Variants in SLC39A14 observed in about 807,000 individuals in gnomAD.
SLC39A14 encodes the protein solute carrier family 39 member 14, also known as metal cation symporter ZIP14.
SLC39A14 carries 19 observed loss-of-function variants against 45.5 expected under a neutral mutation model. That is an observed-to-expected ratio of 0.42 (90% CI 0.29 to 0.61). The LOEUF is 0.61. Ranked by LOEUF, SLC39A14 falls within the 20% of genes least tolerant of loss-of-function variation. The pLI is 0.22. For synonymous variants in SLC39A14, 264 were observed against 251.3 expected (o/e 1.05, Z -0.48); for missense variants, 447 against 616.5 (o/e 0.73, Z 2.91).
chr8:22,402,460 C>T (rs561124687), intron 1 of SLC39A14, among the ~76,000 whole-genome samples: 1 of 152,214 alleles, frequency 6.6e-6, no homozygotes, highest in East Asian at 1.9e-4. Context: ...GCCTCACTAA[C>T]ATGAAATGTT....
intron 1 of SLC39A14, among the ~76,000 whole-genome samples, chr8:22,403,134 A>G (rs1375371982): frequency 6.6e-6 from 1 of 151,564 alleles, no homozygotes; most frequent in African/African-American, 2.4e-5. Flanking sequence ...CCGCCACCAC[A>G]CCCGGCTAAT....
At position 22,404,807 on chromosome 8, in the gene SLC39A14, CT is replaced by C; in HGVS notation, c.98del (p.Leu33ArgfsTer15). 1 of 1,613,542 alleles carries C rather than the reference CT, an allele frequency of 6.2e-7. No homozygotes were observed. Among genetic ancestry groups the C allele is most frequent in the Non-Finnish European group, 8.5e-7 (1 of 1,179,512 alleles). On this transcript the variant is annotated frameshift_variant, in exon 2 of 9. Coordinates refer to ENST00000381237, the MANE Select transcript of SLC39A14 (RefSeq NM_001128431.4). LOFTEE classifies it high-confidence loss of function. Reference protein sequence around the residue: ...RTTPEAHASSLGAPAISAASF... With the variant: ...RTTPEAHASSXGAPAISAASF... ...CACCCCTGAGGCTCACGCTTCATCCCTGGGTGCACCAGCTATCAGCGCTGCC... is the reference window on the plus strand; with the variant it reads ...CACCCCTGAGGCTCACGCTTCATCCCGGGTGCACCAGCTATCAGCGCTGCC...
At chr8:22,425,843 C>T (rs1407496701), downstream of SLC39A14, among the ~76,000 whole-genome samples, 1 of 149,866 alleles carries the variant, frequency 6.7e-6, no homozygotes, top group Non-Finnish European at 1.5e-5. Context: ...CTGACCCTGG[C>T]AATCATAAGC....
chr8:22,384,072 C>T (rs901585619), intron 1 of SLC39A14, among the ~76,000 whole-genome samples: 2 of 152,172 alleles, frequency 1.3e-5, no homozygotes, highest in African/African-American at 4.8e-5. Flanking sequence ...GTGCCTCCCA[C>T]GGCAGAAGCC....
intron 1 of SLC39A14, among the ~76,000 whole-genome samples, chr8:22,393,599 G>C (rs544792943): frequency 6.6e-6 from 1 of 152,350 alleles, no homozygotes; most frequent in African/African-American, 2.4e-5. Context: ...AATATCCAGA[G>C]TGTATTAATC....
intron 1 of SLC39A14, chr8:22,390,727 C>G (rs1028598638): frequency 6.6e-6 from 1 of 150,766 alleles, no homozygotes; most frequent in African/African-American, 2.4e-5. Flanking sequence ...TTTTTTTTAA[C>G]AGGGTCTCGC....
rs556094584 is a variant in SLC39A14 at position 22,371,528 on chromosome 8, G to C, written c.-16+4120G>C. Among the ~76,000 whole-genome samples, 3 of 148,124 alleles carry C rather than the reference G, an allele frequency of 2.0e-5. No individual in the cohort carries two copies. The East Asian group carries it at 5.9e-4, about 29-fold the overall frequency. Reference sequence around the variant, plus strand: ...GGCTCACTGCAACCTCTGCCTCCTGGGTTCAAGCAATTCTCTGCCCCAGCC... The same window carrying C: ...GGCTCACTGCAACCTCTGCCTCCTGCGTTCAAGCAATTCTCTGCCCCAGCC... On this transcript the variant is annotated intron_variant, in intron 1 of 8. Transcript: ENST00000381237.
chr8:22,405,402 A>G (rs1373401283), intron 2 of SLC39A14, among the ~76,000 whole-genome samples: 3 of 152,222 alleles, frequency 2.0e-5, no homozygotes, highest in Non-Finnish European at 4.4e-5. Flanking sequence ...GATCCCAGCC[A>G]CTTGGGAGGC....
chr8:22,407,112 G>A (rs1467902706), intron 2 of SLC39A14, among the ~76,000 whole-genome samples: 1 of 152,210 alleles, frequency 6.6e-6, no homozygotes, highest in Non-Finnish European at 1.5e-5. Context: ...TGAATCTTCA[G>A]GTTTTCCTCC....
intron 1 of SLC39A14, among the ~76,000 whole-genome samples, chr8:22,372,321 C>T (rs1242919705): frequency 6.6e-6 from 1 of 152,088 alleles, no homozygotes; most frequent in East Asian, 1.9e-4. Context: ...ATAAATGCTC[C>T]AAGGTAGCAT....
At chr8:22,397,772 A>T (rs1189972668) in intron 1 of SLC39A14, among the ~76,000 whole-genome samples, 1 of 152,166 alleles carries the variant, frequency 6.6e-6, no homozygotes, top group Non-Finnish European at 1.5e-5. Flanking sequence ...CTAGCTGGAG[A>T]TACATTTCTA....
At chr8:22,423,052 G>GA (rs1277943712), downstream of SLC39A14, among the ~76,000 whole-genome samples, 2 of 152,092 alleles carry the variant, frequency 1.3e-5, no homozygotes, top group Non-Finnish European at 2.9e-5. Context: ...TCGAACTCCT[G>GA]ACCTCAGGTG....
intron 1 of SLC39A14, among the ~76,000 whole-genome samples, chr8:22,379,927 C>CAAAAAAAAAAA (rs35093772): frequency 5.7e-5 from 5 of 87,928 alleles, no homozygotes; most frequent in East Asian, 2.9e-4. Flanking sequence ...GACTCCATCT[C>CAAAAAAAAAAA]AAAAAAAAAA....
At chr8:22,378,256 T>A (rs1279794182) in intron 1 of SLC39A14, among the ~76,000 whole-genome samples, 1 of 152,168 alleles carries the variant, frequency 6.6e-6, no homozygotes, top group African/African-American at 2.4e-5. Context: ...CAGGCAAGTG[T>A]GTTAGTATGA....
At chr8:22,386,246 A>G (rs1023957260) in intron 1 of SLC39A14, among the ~76,000 whole-genome samples, 1 of 150,412 alleles carries the variant, frequency 6.6e-6, no homozygotes, top group Non-Finnish European at 1.5e-5. Context: ...CGCCTGACGA[A>G]TATGTACTTT....
chr8:22,375,919 A>T (rs1018159221), intron 1 of SLC39A14, among the ~76,000 whole-genome samples: 5 of 152,242 alleles, frequency 3.3e-5, no homozygotes, highest in African/African-American at 1.2e-4. Flanking sequence ...GAGTATAATT[A>T]TATAATCAGG....
intron 1 of SLC39A14, among the ~76,000 whole-genome samples, chr8:22,368,758 G>C (rs563615893): frequency 3.9e-5 from 6 of 151,968 alleles, no homozygotes; most frequent in African/African-American, 1.2e-4. Context: ...GGATGGTCTC[G>C]ATCTCCTGAC....
At position 22,412,112 on chromosome 8, in the gene SLC39A14, TGAA is replaced by T; in HGVS notation, c.539_541del (p.Lys180del). On this transcript the variant is annotated inframe_deletion, in exon 4 of 9. Coordinates refer to ENST00000381237, the MANE Select transcript of SLC39A14 (RefSeq NM_001128431.4). ...CTGGGGGCCAGCGTGGTGCCCTTCA[TGAA>T]GAAGACCTTTTACAAGAGGCTGCTG... The T allele has an allele frequency of 1.3e-6, 2 of 1,551,720 alleles. No homozygotes were observed. The highest frequency in any genetic ancestry group is 1.7e-6 in the Non-Finnish European group (2 of 1,147,008).
intron 1 of SLC39A14, among the ~76,000 whole-genome samples, chr8:22,375,091 C>G (rs925453601): frequency 6.6e-6 from 1 of 152,154 alleles, no homozygotes; most frequent in Non-Finnish European, 1.5e-5. Flanking sequence ...CGTCCATGTC[C>G]TCTGTACCAG....
Sources: allele counts gnomAD v4.1 joint callset (sites outside exome capture counted in the v4.1 genomes callset), GRCh38; gene constraint gnomAD v4.1.1; transcripts MANE v1.5; gene names NCBI Gene and HGNC (gene_info 2026-07-23, HGNC 2026-07-21).